ZNF362: variants seen among roughly 807,000 people sequenced by gnomAD.
The protein encoded by ZNF362 is zinc finger protein 362, also known as rotund homolog.
Under a neutral mutation model 42.9 loss-of-function variants are expected in ZNF362, and 11 were observed. The observed-to-expected ratio is 0.26, with a 90% CI of 0.16 to 0.42. ZNF362 has a LOEUF of 0.42. Ranked by LOEUF, ZNF362 falls within the 20% of genes least tolerant of loss-of-function variation. The pLI is 1.00. For synonymous variants in ZNF362, 255 were observed against 257.3 expected, an observed-to-expected ratio of 0.99 and a Z score of 0.09; for missense variants, 362 against 576.2, an observed-to-expected ratio of 0.63 and a Z score of 3.81.
At chr1:33,260,732 G>T (rs1035456280) in intron 1 of ZNF362, among the ~76,000 whole-genome samples, 1 of 152,146 alleles carries the variant, frequency 6.6e-6, no homozygotes, top group Admixed American at 6.5e-5. Flanking sequence ...GTGTGGCAGC[G>T]CATTGCCTGG....
chr1:33,290,781 T>C (rs1646071834), intron 6 of ZNF362, among the ~76,000 whole-genome samples: 1 of 152,260 alleles, frequency 6.6e-6, no homozygotes, highest in Non-Finnish European at 1.5e-5. Context: ...TGGTATCTTA[T>C]TGTGGTTTCG....
chr1:33,292,951 A>G (rs572403021), intron 6 of ZNF362, among the ~76,000 whole-genome samples: 1 of 152,342 alleles, frequency 6.6e-6, no homozygotes, highest in African/African-American at 2.4e-5. Flanking sequence ...AGGGGTGCTC[A>G]GAACTGGGTC....
Position 33,258,275 on chromosome 1 carries a change from G to A in ZNF362, c.-89+1621G>A, listed in dbSNP as rs116727947. Among the ~76,000 whole-genome samples the A allele has an allele frequency of 6.8e-4, 104 of 152,266 alleles. 1 individual carries two copies. Among genetic ancestry groups the A allele is most frequent in the African/African-American group, 2.1e-3 (87 of 41,568 alleles). On this transcript the variant is annotated intron_variant, in intron 1 of 8. Transcript: ENST00000539719. ...GGGATCTGAAGGCCAGGCCCACAAGGTCTGGGGTGACTGGTGCTGTCCAAG... is the reference window on the plus strand; with the variant it reads ...GGGATCTGAAGGCCAGGCCCACAAGATCTGGGGTGACTGGTGCTGTCCAAG...
At chr1:33,252,378 CAA>C (rs1645766501), upstream of ZNF362, among the ~76,000 whole-genome samples, 1 of 94,990 alleles carries the variant, frequency 1.1e-5, no homozygotes, top group South Asian at 3.8e-4. Context: ...ACAACAACAA[CAA>C]CAACAACCAG....
Position 33,282,827 on chromosome 1 carries a change from GAAAA to G in ZNF362, c.908+1029_908+1032del, listed in dbSNP as rs11332548. 2.3e-5 allele frequency among the ~76,000 whole-genome samples: 3 copies of G among 132,962 alleles called. No individual in the cohort carries two copies. The South Asian group carries it at 7.2e-4, about 32-fold the overall frequency. The allele number at this position is 132,962 out of a possible 152,430, so 87.2% of individuals were successfully genotyped here. A position where few individuals can be genotyped will look rare whatever the true frequency, so the allele number is the denominator to read the frequency against. On this transcript the variant is annotated intron_variant, in intron 6 of 8. Transcript: ENST00000539719. ...ACAAGAGTGAAACTCTGTCTCAAGA[GAAAA>G]AAAAAAAAAAAAGTTTGTGCAGGAG...
chr1:33,189,165 T>C, the ZNF362 span, among the ~76,000 whole-genome samples: 1 of 151,990 alleles, frequency 6.6e-6, no homozygotes, highest in Non-Finnish European at 1.5e-5. Flanking sequence ...GCAGTAAGAG[T>C]GCACTTTTGT....
the ZNF362 span, among the ~76,000 whole-genome samples, chr1:33,204,188 T>A: frequency 9.2e-5 from 14 of 152,136 alleles, no homozygotes; most frequent in Admixed American, 2.0e-4. Context: ...TTTTTTGGCA[T>A]GTGGAAATCT....
chr1:33,256,271 C>T (rs1282025858), upstream of ZNF362, among the ~76,000 whole-genome samples: 1 of 143,412 alleles, frequency 7.0e-6, no homozygotes, highest in African/African-American at 2.5e-5. Context: ...CCCGCCCGGC[C>T]CCCTCCCCTC....
chr1:33,229,731 C>T, the ZNF362 span, among the ~76,000 whole-genome samples: 1 of 152,062 alleles, frequency 6.6e-6, no homozygotes, highest in African/African-American at 2.4e-5. Context: ...AAATCACCTG[C>T]ATCCACACTG....
intron 6 of ZNF362, among the ~76,000 whole-genome samples, chr1:33,289,349 T>G (rs1035000744): frequency 3.9e-5 from 6 of 152,088 alleles, no homozygotes; most frequent in African/African-American, 1.4e-4. Context: ...GGATATGGAC[T>G]CTGTCCTGGA....
the ZNF362 span, chr1:33,145,787 C>T: frequency 4.4e-6 from 2 of 459,050 alleles, no homozygotes; most frequent in East Asian, 7.0e-5. Context: ...CACCCTCTCC[C>T]GAGTTCTTCA....
At chr1:33,271,432 G>A (rs951372589) in intron 2 of ZNF362, among the ~76,000 whole-genome samples, 2 of 152,236 alleles carry the variant, frequency 1.3e-5, no homozygotes, top group Non-Finnish European at 2.9e-5. Context: ...TCTCCAGGCT[G>A]GGTCAGGTCC....
chr1:33,279,773 C>A (rs1444038742), intron 4 of ZNF362, among the ~76,000 whole-genome samples: 1 of 151,990 alleles, frequency 6.6e-6, no homozygotes, highest in Admixed American at 6.6e-5. Context: ...TTTCAATGGG[C>A]AGTTCAGTAG....
At chr1:33,140,851 GT>G in the ZNF362 span, among the ~76,000 whole-genome samples, 1 of 152,206 alleles carries the variant, frequency 6.6e-6, no homozygotes, top group South Asian at 2.1e-4. The surrounding 1 kb of genome is among the most constrained non-coding windows in gnomAD (Gnocchi z 4.0). Context: ...GGTGCCTGGG[GT>G]TGTTGGAACC....
intron 3 of ZNF362, 47 bp from the exon 4 acceptor site, chr1:33,276,301 G>T: frequency 6.5e-7 from 1 of 1,539,026 alleles, no homozygotes; most frequent in Non-Finnish European, 8.8e-7. Flanking sequence ...TGGGCAAGGG[G>T]CGGGAGGTGG....
chr1:33,188,356 TG>T, the ZNF362 span, among the ~76,000 whole-genome samples: 1 of 152,196 alleles, frequency 6.6e-6, no homozygotes, highest in Non-Finnish European at 1.5e-5. Context: ...CTGGTTGGTA[TG>T]GTAAATAGCA....
the ZNF362 span, among the ~76,000 whole-genome samples, chr1:33,209,991 C>CAAA: frequency 6.6e-6 from 1 of 152,040 alleles, no homozygotes; most frequent in East Asian, 1.9e-4. Flanking sequence ...TTTGCTCTTC[C>CAAA]TTCTCTAGTT....
chr1:33,201,049 A>C, the ZNF362 span, among the ~76,000 whole-genome samples: 1 of 152,218 alleles, frequency 6.6e-6, no homozygotes, highest in Non-Finnish European at 1.5e-5. Flanking sequence ...TCTGGCCTCC[A>C]TATCTGTGAG....
rs574528978 is a variant in ZNF362, at chr1:33,266,010, A to G, written c.-88-4477A>G. On this transcript the variant is annotated intron_variant, in intron 1 of 8. Transcript: ENST00000539719. This position sits in a 1 kb window ranked among gnomAD's most constrained non-coding sequence, Gnocchi z 4.3. ...TCTCCTTTGGCATCTCCCTCTTGCAATTTCCCCTTCCCCCATCAGTAAGTC... is the reference window on the plus strand; with the variant it reads ...TCTCCTTTGGCATCTCCCTCTTGCAGTTTCCCCTTCCCCCATCAGTAAGTC... Among the ~76,000 whole-genome samples, 4 of 151,750 alleles carry G rather than the reference A, an allele frequency of 2.6e-5. No individual in the cohort carries two copies. The highest frequency in any genetic ancestry group is 2.1e-4 in the South Asian group (1 of 4,808).
Sources: allele counts gnomAD v4.1 joint callset (sites outside exome capture counted in the v4.1 genomes callset), GRCh38; gene constraint gnomAD v4.1.1; non-coding constraint Gnocchi (gnomAD v3.1); transcripts MANE v1.5; gene names NCBI Gene and HGNC (gene_info 2026-07-23, HGNC 2026-07-21).